Variants in ROBO2 observed in about 807,000 individuals in gnomAD.
The protein encoded by ROBO2 is roundabout guidance receptor 2.
Under a neutral mutation model 160.8 loss-of-function variants are expected in ROBO2, and 53 were observed. The ratio of observed to expected loss-of-function variants is 0.33; its 90% CI spans 0.26 to 0.41. The LOEUF is 0.41. Among genes scored for constraint, ROBO2 ranks in the 10% least tolerant of loss-of-function variants. The probability of loss-of-function intolerance (pLI) is 1.00; values close to 1 mark genes in which losing one functional copy is unlikely to be tolerated. For missense variants in ROBO2, 1,577 were observed against 1,722.4 expected (o/e 0.92, Z 1.49); for synonymous variants, 664 against 611.7 (o/e 1.09, Z -1.26).
intron 2 of ROBO2, among the ~76,000 whole-genome samples, chr3:77,458,862 A>G (rs190859473): frequency 1.4e-4 from 22 of 152,310 alleles, no homozygotes; most frequent in East Asian, 1.2e-3. Context: ...TTTTTAAAGT[A>G]TAAGATCTAG....
intron 2 of ROBO2, among the ~76,000 whole-genome samples, chr3:76,373,116 T>C (rs376430053): frequency 6.6e-6 from 1 of 152,036 alleles, no homozygotes; most frequent in East Asian, 1.9e-4. Context: ...AACAGTTTCA[T>C]TCCATGGAAC....
At chr3:75,927,089 T>C (rs934674322) in intron 1 of ROBO2, among the ~76,000 whole-genome samples, 5 of 152,296 alleles carry the variant, frequency 3.3e-5, no homozygotes, top group African/African-American at 1.2e-4. Flanking sequence ...GGAAGATAGA[T>C]AAAAGGGAGA....
At chr3:76,425,708 A>C (rs1285299670) in intron 2 of ROBO2, among the ~76,000 whole-genome samples, 1 of 152,128 alleles carries the variant, frequency 6.6e-6, no homozygotes, top group Non-Finnish European at 1.5e-5. Flanking sequence ...CTCAAGAACA[A>C]AGATACCTTT....
intron 2 of ROBO2, among the ~76,000 whole-genome samples, chr3:77,284,455 G>T (rs1248618247): frequency 6.6e-6 from 1 of 152,122 alleles, no homozygotes; most frequent in Non-Finnish European, 1.5e-5. Flanking sequence ...GTTAGGAAAA[G>T]GCCTCGTTCA....
chr3:77,048,411 A>G (rs1223468744), intron 1 of ROBO2, among the ~76,000 whole-genome samples: 3 of 152,172 alleles, frequency 2.0e-5, no homozygotes, highest in Non-Finnish European at 4.4e-5. Flanking sequence ...TTCCCAAGTG[A>G]AAGGTGCGAC....
At chr3:76,684,580 A>C (rs2092643802) in intron 2 of ROBO2, among the ~76,000 whole-genome samples, 1 of 152,146 alleles carries the variant, frequency 6.6e-6, no homozygotes, top group Non-Finnish European at 1.5e-5. Context: ...TTAATTTTAC[A>C]TTATAGTAAG....
intron 12 of ROBO2, among the ~76,000 whole-genome samples, chr3:77,566,360 C>A (rs1277264215): frequency 6.6e-6 from 1 of 152,064 alleles, no homozygotes; most frequent in Non-Finnish European, 1.5e-5. Flanking sequence ...AAAAGCACAA[C>A]AAGGAATTTG....
chr3:77,125,005 T>C (rs2075178743), intron 2 of ROBO2, among the ~76,000 whole-genome samples: 1 of 152,104 alleles, frequency 6.6e-6, no homozygotes, highest in African/African-American at 2.4e-5. Context: ...TCTAATATGA[T>C]ATGATTATAT....
In ROBO2 at chr3:76,869,381, A is replaced by G. The variant is rs540258722; in HGVS notation, c.110-228633A>G. On this transcript the variant is annotated intron_variant, in intron 2 of 26. Transcript: ENST00000487694. ...TTTTTTTTTTTTGAGACGGAGTCTG[A>G]CTCTGTCGCCCAGGCTGGAGTGCAG... Among the ~76,000 whole-genome samples, 862 of 108,700 alleles carry G rather than the reference A, an allele frequency of 7.9e-3. 9 individuals carry two copies. Among genetic ancestry groups the G allele is most frequent in the Middle Eastern group, 0.049 (4 of 82 alleles). The allele number at this position is 108,700 out of a possible 152,430, so 71.3% of individuals were successfully genotyped here.
rs371612780 is a variant in ROBO2, at chr3:76,258,338, T to G, written c.109+320736T>G. Among the ~76,000 whole-genome samples, 4 of 152,074 alleles carry G rather than the reference T, an allele frequency of 2.6e-5. No individual in the cohort carries two copies. The East Asian group carries it at 7.7e-4, about 29-fold the overall frequency. On this transcript the variant is annotated intron_variant, in intron 2 of 26. Transcript: ENST00000487694. ...CTAATCCTCAATAGCAATACATTTT[T>G]ATCCAACTTTATATTAAAAGGTAAC...
At chr3:76,413,335 T>A (rs1482419869) in intron 2 of ROBO2, among the ~76,000 whole-genome samples, 1 of 152,246 alleles carries the variant, frequency 6.6e-6, no homozygotes, top group African/African-American at 2.4e-5. Flanking sequence ...GGACTCCTGC[T>A]ACTTATGCAA....
chr3:76,546,810 C>T (rs2083131875), intron 2 of ROBO2, among the ~76,000 whole-genome samples: 1 of 151,666 alleles, frequency 6.6e-6, no homozygotes, highest in South Asian at 2.1e-4. Context: ...AAGTCTAACA[C>T]TTGATTTTTA....
At chr3:76,781,845 C>T (rs776620059) in intron 2 of ROBO2, among the ~76,000 whole-genome samples, 47 of 150,614 alleles carry the variant, frequency 3.1e-4, no homozygotes, top group South Asian at 1.5e-3. Context: ...TGTTCTTGCC[C>T]GGCTTTGGTA....
intron 2 of ROBO2, among the ~76,000 whole-genome samples, chr3:76,569,803 T>C (rs2084849687): frequency 6.6e-6 from 1 of 152,104 alleles, no homozygotes; most frequent in Non-Finnish European, 1.5e-5. Context: ...TCTTTTATGC[T>C]TATTAAAGGA....
chr3:77,348,106 A>C (rs1233365793), intron 2 of ROBO2, among the ~76,000 whole-genome samples: 1 of 152,000 alleles, frequency 6.6e-6, no homozygotes, highest in Non-Finnish European at 1.5e-5. Context: ...AGGGGTCCTG[A>C]TCCAGATCCC....
chr3:77,631,972 G>T (rs2153713557), intron 23 of ROBO2: 1 of 152,102 alleles, frequency 6.6e-6, no homozygotes, highest in Middle Eastern at 3.4e-3. Context: ...GTTGTTATTT[G>T]TAATTAAGTT....
chr3:76,239,818 C>G (rs1053487249), intron 2 of ROBO2, among the ~76,000 whole-genome samples: 1 of 152,096 alleles, frequency 6.6e-6, no homozygotes, highest in African/African-American at 2.4e-5. Flanking sequence ...CTAACTGGCT[C>G]CTGTGCAAAG....
At chr3:76,280,821 A>G (rs1411810384) in intron 2 of ROBO2, among the ~76,000 whole-genome samples, 1 of 151,962 alleles carries the variant, frequency 6.6e-6, no homozygotes, top group Non-Finnish European at 1.5e-5. Flanking sequence ...TGTCTGGTTC[A>G]AAATTCCATC....
intron 2 of ROBO2, among the ~76,000 whole-genome samples, chr3:76,997,083 T>G (rs1302518703): frequency 6.6e-6 from 1 of 152,198 alleles, no homozygotes; most frequent in Admixed American, 6.5e-5. Context: ...TTTCAGTATT[T>G]TAAAATCCCA....
Sources: gnomAD v4.1 joint callset for allele counts (sites outside exome capture counted in the v4.1 genomes callset) on GRCh38, gnomAD v4.1.1 for gene constraint, MANE v1.5 for transcripts, NCBI Gene and HGNC (gene_info 2026-07-23, HGNC 2026-07-21) for gene names.